NCAN: variants seen among roughly 807,000 people sequenced by gnomAD.
NCAN encodes the protein neurocan.
In NCAN, 47 loss-of-function variants were observed where a neutral mutation model predicts 121.8. The observed-to-expected ratio is 0.39, with a 90% CI of 0.31 to 0.49. The LOEUF (loss-of-function observed/expected upper bound fraction) is 0.49. Among genes scored for constraint, NCAN ranks in the 20% least tolerant of loss-of-function variants. The pLI is 0.92. For synonymous variants in NCAN, 633 were observed against 702.0 expected (o/e 0.90, Z 1.55); for missense variants, 1,517 against 1,773.4 (o/e 0.86, Z 2.60).
chr19:19,215,327 G>A (rs978009256), intron 1 of NCAN, among the ~76,000 whole-genome samples: 1 of 152,150 alleles, frequency 6.6e-6, no homozygotes, highest in Non-Finnish European at 1.5e-5. Flanking sequence ...TTCCATCTGC[G>A]CCCACCTCCT....
chr19:19,217,478 GA>G (rs2146536113), intron 2 of NCAN, among the ~76,000 whole-genome samples: 1 of 152,304 alleles, frequency 6.6e-6, no homozygotes, highest in East Asian at 1.9e-4. Context: ...AAGAGAATGA[GA>G]CATTGCTACT....
chr19:19,240,390 G>A (rs1046325240), intron 11 of NCAN, among the ~76,000 whole-genome samples: 3 of 150,748 alleles, frequency 2.0e-5, no homozygotes, highest in Non-Finnish European at 3.0e-5. Flanking sequence ...GAGAGGCTGA[G>A]GGAGGGGCTC....
chr19:19,225,259 A>C lies in NCAN; in HGVS notation c.1061A>C (p.Tyr354Ser), dbSNP rs1373462491. The C allele has an allele frequency of 6.5e-7, 1 of 1,543,662 alleles. No individual in the cohort carries two copies. The highest frequency in any genetic ancestry group is 8.6e-7 in the Non-Finnish European group (1 of 1,157,814). Residue 354 changes from tyrosine (Y) to serine (S), a missense_variant, in exon 6 of 15, where the codon TAC becomes TCC. Physicochemically the swap from Tyr to Ser is moderately radical, Grantham distance 144. Transcript: ENST00000252575. This position sits in a 1 kb window ranked among gnomAD's most constrained non-coding sequence, Gnocchi z 4.0. ...TCACCCGCCGAGCGCTTCGACGCCT[A>C]CTGCTTCCGAGGTGCGTGCGTCCCC... Reference protein sequence around the residue: ...FPSPAERFDAYCFRAHHPTSQ... With the variant: ...FPSPAERFDASCFRAHHPTSQ...
In NCAN at chr19:19,225,140, G is replaced by A; in HGVS notation, c.942G>A (p.Val314=). The change falls in exon 6 of 15, where the codon GTG becomes GTA. Residue 314 remains valine (V), a synonymous_variant. Transcript: ENST00000252575. This position sits in a 1 kb window ranked among gnomAD's most constrained non-coding sequence, Gnocchi z 4.0. ...CDPGWLADGS[V]RYPIQTPRRR... ...CGGGCTGGCTGGCCGACGGCAGCGT[G>A]CGCTACCCGATCCAGACGCCGCGCC... 1 of 1,531,516 alleles carries A rather than the reference G, an allele frequency of 6.5e-7. No individual in the cohort carries two copies. Among genetic ancestry groups the A allele is most frequent in the Non-Finnish European group, 8.7e-7 (1 of 1,148,506 alleles). 94.9% of individuals were successfully genotyped at this position (1,531,516 alleles called of 1,614,324 possible). A position where few individuals can be genotyped will look rare whatever the true frequency, so the allele number is the denominator to read the frequency against.
intron 1 of NCAN, among the ~76,000 whole-genome samples, chr19:19,215,774 C>T (rs566063240): frequency 6.6e-6 from 1 of 152,184 alleles, no homozygotes; most frequent in Non-Finnish European, 1.5e-5. Context: ...CAGCCTGCTG[C>T]CTGGACTGAG....
intron 10 of NCAN, among the ~76,000 whole-genome samples, chr19:19,236,636 C>T (rs1002625172): frequency 6.6e-6 from 1 of 151,388 alleles, no homozygotes; most frequent in African/African-American, 2.4e-5. Flanking sequence ...TGCCATGTTG[C>T]CCAGGCTGCT....
intron 11 of NCAN, among the ~76,000 whole-genome samples, chr19:19,239,566 A>C (rs1162459810): frequency 1.1e-3 from 55 of 50,268 alleles, no homozygotes; most frequent in Non-Finnish European, 1.0e-3. Context: ...TCTCCTCTCC[A>C]TCCTCCCTCC....
At chr19:19,216,620 TAA>T (rs2060797144) in intron 1 of NCAN, among the ~76,000 whole-genome samples, 1 of 151,808 alleles carries the variant, frequency 6.6e-6, no homozygotes. Context: ...GCTAATTTTT[TAA>T]ATAGAGGTAA....
rs780885539 is a variant in NCAN at position 19,240,646 on chromosome 19, C to A, written c.3453C>A (p.Ile1151=). Residue 1151 remains isoleucine, a synonymous_variant, in exon 12 of 15, where the codon ATC becomes ATA. Transcript: ENST00000252575. ...ENTWIGLNDR[I]VERDFQWTDN... ...CGTGGATCGGCCTGAACGACAGGATCGTGGAGAGAGATTTCCAGTGGACGG... is the reference window on the plus strand; with the variant it reads ...CGTGGATCGGCCTGAACGACAGGATAGTGGAGAGAGATTTCCAGTGGACGG... The A allele has an allele frequency of 5.6e-6, 9 of 1,613,934 alleles. No individual in the cohort carries two copies. In the Admixed American group the frequency reaches 1.0e-4, roughly 18 times the overall value.
At position 19,225,732 on chromosome 19, in the gene NCAN, G is replaced by A. The variant is rs1317021812; in HGVS notation, c.1072+462G>A. ...GGGGGCAGTGGGGACAGCTTTGGAAGCTGCAAGCATCAACCCCAAGGAGCC... is the reference window on the plus strand; with the variant it reads ...GGGGGCAGTGGGGACAGCTTTGGAAACTGCAAGCATCAACCCCAAGGAGCC... On this transcript the variant is annotated intron_variant, in intron 6 of 14. Coordinates refer to ENST00000252575, the MANE Select transcript of NCAN (RefSeq NM_004386.3). The surrounding 1 kb of genome is among the most constrained non-coding windows in gnomAD (Gnocchi z 4.0). Among the ~76,000 whole-genome samples, 1 of 152,200 alleles carries A rather than the reference G, an allele frequency of 6.6e-6. No homozygotes were observed. The highest frequency in any genetic ancestry group is 2.4e-5 in the African/African-American group (1 of 41,452).
intron 2 of NCAN, among the ~76,000 whole-genome samples, chr19:19,218,471 GT>G (rs2060803783): frequency 6.6e-6 from 1 of 151,304 alleles, no homozygotes; most frequent in Admixed American, 6.6e-5. Context: ...TCTAAAAATA[GT>G]TTTTTGTTTT....
In NCAN at chr19:19,234,997, C is replaced by T. The variant is rs374113750; in HGVS notation, c.3151C>T (p.Leu1051Phe). The change falls in exon 10 of 15, where the codon CTC (leucine) becomes TTC (phenylalanine). Residue 1051 changes from leucine (L) to phenylalanine (F), a missense_variant. Physicochemically the swap from Leu to Phe is conservative, Grantham distance 22. Transcript: ENST00000252575. ...CTCTCTGCCAGACATTGATGACTGC[C>T]TCTGCAGCCCCTGTGAGAATGGAGG... Reference protein sequence around the residue: ...ENCEIDIDDCLCSPCENGGTC... With the variant: ...ENCEIDIDDCFCSPCENGGTC... The T allele has an allele frequency of 7.0e-5, 112 of 1,610,606 alleles. No individual in the cohort carries two copies. Among genetic ancestry groups the T allele is most frequent in the Admixed American group, 2.0e-4 (12 of 59,870 alleles).
At chr19:19,233,732 A>T in intron 8 of NCAN, 57 bp from the exon 9 acceptor site, 1 of 1,154,552 alleles carries the variant, frequency 8.7e-7, no homozygotes. Context: ...TCTTGATTCC[A>T]GGAAGGCAAA....
At chr19:19,223,253 T>C (rs1448862661) in intron 3 of NCAN, among the ~76,000 whole-genome samples, 1 of 152,194 alleles carries the variant, frequency 6.6e-6, no homozygotes, top group Non-Finnish European at 1.5e-5. Context: ...GTCAGCCTTC[T>C]CCACACCTCC....
chr19:19,213,485 C>T (rs1404627675), intron 1 of NCAN, among the ~76,000 whole-genome samples: 2 of 131,046 alleles, frequency 1.5e-5, no homozygotes, highest in South Asian at 2.4e-4. Flanking sequence ...GATGCTGTTC[C>T]GTTCATCAAG....
intron 5 of NCAN, 69 bp from the exon 6 acceptor site, chr19:19,224,908 T>C: frequency 7.7e-7 from 1 of 1,299,156 alleles, no homozygotes; most frequent in South Asian, 1.8e-5. Context: ...TATTTGGAGT[T>C]GGACCCACTT....
chr19:19,241,753 G>T (rs1165339154), intron 12 of NCAN, among the ~76,000 whole-genome samples: 2 of 151,918 alleles, frequency 1.3e-5, no homozygotes, highest in African/African-American at 4.8e-5. Flanking sequence ...TACATACCCA[G>T]AAGAATTGAA....
At position 19,217,043 on chromosome 19, in the gene NCAN, G is replaced by A; in HGVS notation, c.73+17G>A. Reference sequence around the variant, plus strand: ...GGGAACAGGGTGAGTTGGTTTGTGGGGAGGGAGAGATTGGGGTCTAGGGGA... The same window carrying A: ...GGGAACAGGGTGAGTTGGTTTGTGGAGAGGGAGAGATTGGGGTCTAGGGGA... On this transcript the variant is annotated intron_variant, in intron 2 of 14. Transcript: ENST00000252575. The A allele has an allele frequency of 1.5e-6, 2 of 1,311,272 alleles. No individual in the cohort carries two copies. The highest frequency in any genetic ancestry group is 2.0e-6 in the Non-Finnish European group (2 of 1,020,476). The allele number at this position is 1,311,272 out of a possible 1,614,324, so 81.2% of individuals were successfully genotyped here.
chr19:19,218,859 T>C, intron 2 of NCAN, 56 bp from the exon 3 acceptor site: 1 of 1,429,874 alleles, frequency 7.0e-7, no homozygotes, highest in Non-Finnish European at 9.2e-7. Context: ...GAAATAGCAG[T>C]CCCTGCTTGG....
Sources: allele counts gnomAD v4.1 joint callset (sites outside exome capture counted in the v4.1 genomes callset), GRCh38; gene constraint gnomAD v4.1.1; non-coding constraint Gnocchi (gnomAD v3.1); transcripts MANE v1.5; gene names NCBI Gene and HGNC (gene_info 2026-07-23, HGNC 2026-07-21).